DOCK1: variants seen among roughly 807,000 people sequenced by gnomAD.
The protein encoded by DOCK1 is dedicator of cytokinesis protein 1.
In DOCK1, 138 loss-of-function variants were observed where a neutral mutation model predicts 262.7. The ratio of observed to expected loss-of-function variants is 0.53; its 90% CI spans 0.46 to 0.61. The LOEUF is 0.61. Ranked by LOEUF, DOCK1 falls within the 20% of genes least tolerant of loss-of-function variation. The pLI, the probability that DOCK1 is intolerant of heterozygous loss-of-function variation, is 0.00. For missense variants in DOCK1, 1,908 were observed against 2,370.7 expected (o/e 0.80, Z 4.05); for synonymous variants, 866 against 867.4 (o/e 1.00, Z 0.03).
intron 27 of DOCK1, among the ~76,000 whole-genome samples, chr10:127,216,741 A>G (rs10829597): frequency 0.41 from 61,702 of 152,012 alleles, 12,804 homozygotes; most frequent in East Asian, 0.58. Context: ...TTAATTTTCA[A>G]AATCAGTGCC....
intron 33 of DOCK1, among the ~76,000 whole-genome samples, chr10:127,372,373 C>T (rs1489052582): frequency 6.6e-6 from 1 of 152,226 alleles, no homozygotes. Flanking sequence ...GTCACAGGCA[C>T]TCTGGATGAG....
intron 38 of DOCK1, among the ~76,000 whole-genome samples, chr10:127,400,421 C>A (rs767683169): frequency 1.6e-4 from 25 of 152,194 alleles, no homozygotes; most frequent in Non-Finnish European, 2.5e-4. Context: ...ACCTGCAGTT[C>A]AAGGCCAGCC....
Position 127,339,055 on chromosome 10 carries a change from T to A in DOCK1, c.3094T>A (p.Phe1032Ile). ...NQYADMLNKK[F>I]LDQANFELQL... ...GTATGCAGATATGCTGAACAAAAAA[T>A]TTCTGGATCAAGCCAACTTTGAGCT... The change falls in exon 30 of 52, where the codon TTT becomes ATT. Residue 1032 changes from phenylalanine to isoleucine, a missense_variant. Phe to Ile is a conservative substitution (Grantham distance 21). Coordinates refer to ENST00000623213, the MANE Select transcript of DOCK1 (RefSeq NM_001290223.2). 1 of 1,580,526 alleles carries A rather than the reference T, an allele frequency of 6.3e-7. No homozygotes were observed. Among genetic ancestry groups the A allele is most frequent in the Non-Finnish European group, 8.6e-7 (1 of 1,162,602 alleles).
chr10:127,260,920 CATGTGG>C (rs2060029730), intron 29 of DOCK1, among the ~76,000 whole-genome samples: 1 of 86,030 alleles, frequency 1.2e-5, no homozygotes, highest in Admixed American at 1.4e-4. Context: ...CACGTGTGTG[CATGTGG>C]GTGTGTGTGT....
At chr10:126,950,053 C>T (rs893033666) in intron 1 of DOCK1, among the ~76,000 whole-genome samples, 2 of 133,240 alleles carry the variant, frequency 1.5e-5, no homozygotes, top group African/African-American at 3.1e-5. Context: ...CTCTCTAAGC[C>T]TCATTTTTTT....
chr10:126,977,102 A>G (rs760947631), intron 2 of DOCK1, among the ~76,000 whole-genome samples: 45 of 152,330 alleles, frequency 3.0e-4, no homozygotes, highest in Non-Finnish European at 5.9e-4. Context: ...GTTTGGGAGT[A>G]AAAAATCATC....
At chr10:127,077,493 G>C (rs575743146) in intron 23 of DOCK1, among the ~76,000 whole-genome samples, 3 of 152,184 alleles carry the variant, frequency 2.0e-5, no homozygotes, top group Non-Finnish European at 2.9e-5. Flanking sequence ...GGGCCTCTTT[G>C]TGGATGTTAT....
intron 27 of DOCK1, among the ~76,000 whole-genome samples, chr10:127,184,470 T>G (rs2056037804): frequency 9.3e-5 from 14 of 150,742 alleles, no homozygotes; most frequent in Admixed American, 2.6e-4. Context: ...CAGCTCTCCA[T>G]TCCCCCATGC....
intron 27 of DOCK1, among the ~76,000 whole-genome samples, chr10:127,228,577 A>T (rs2058724954): frequency 6.6e-6 from 1 of 152,106 alleles, no homozygotes; most frequent in South Asian, 2.1e-4. Context: ...ATGATGTGAC[A>T]TGCCTGAGAC....
At chr10:127,063,742 C>T (rs548314948) in intron 23 of DOCK1, among the ~76,000 whole-genome samples, 1 of 152,112 alleles carries the variant, frequency 6.6e-6, no homozygotes, top group African/African-American at 2.4e-5. Context: ...TAAATATATC[C>T]TTACATTATT....
intron 1 of DOCK1, among the ~76,000 whole-genome samples, chr10:126,918,455 G>A (rs2032772442): frequency 6.6e-6 from 1 of 152,234 alleles, no homozygotes; most frequent in Non-Finnish European, 1.5e-5. Context: ...TGAATGACCT[G>A]GGTCATGTCA....
chr10:127,366,443 CT>C (rs1216551436), intron 33 of DOCK1, among the ~76,000 whole-genome samples: 17 of 152,124 alleles, frequency 1.1e-4, no homozygotes, highest in Admixed American at 1.1e-3. Context: ...GCTTGCTCCC[CT>C]GGCCTCCGTG....
chr10:126,911,912 TTG>T (rs1386929466), intron 1 of DOCK1, among the ~76,000 whole-genome samples: 1 of 152,140 alleles, frequency 6.6e-6, no homozygotes, highest in Non-Finnish European at 1.5e-5. Flanking sequence ...AGTGTGGAAT[TTG>T]TGTGTTAGTT....
chr10:127,045,999 TTTTA>T (rs1359053612), intron 21 of DOCK1, among the ~76,000 whole-genome samples: 2 of 152,240 alleles, frequency 1.3e-5, no homozygotes, highest in African/African-American at 4.8e-5. Flanking sequence ...TAGGTCCTTC[TTTTA>T]TTTATTTTCT....
At position 127,176,357 on chromosome 10, in the gene DOCK1, C is replaced by T. The variant is rs2489386; in HGVS notation, c.2847+48593C>T. 0.58 allele frequency: 928,737 copies of T among 1,612,680 alleles called. 272,381 individuals are homozygous for T. The highest frequency in any genetic ancestry group is 0.76 in the East Asian group (34,047 of 44,840). Reference sequence around the variant, plus strand: ...CGGCGGGTTCCACTTCACTCTCCGACGTTGTGAGTATGCATTTGCCGGTGT... The same window carrying T: ...CGGCGGGTTCCACTTCACTCTCCGATGTTGTGAGTATGCATTTGCCGGTGT... On this transcript the variant is annotated intron_variant, in intron 27 of 51. Coordinates refer to ENST00000623213, the MANE Select transcript of DOCK1 (RefSeq NM_001290223.2). This position sits in a 1 kb window ranked among gnomAD's most constrained non-coding sequence, Gnocchi z 4.4.
intron 27 of DOCK1, among the ~76,000 whole-genome samples, chr10:127,181,809 T>C (rs1018760042): frequency 6.6e-6 from 1 of 152,118 alleles, no homozygotes; most frequent in Non-Finnish European, 1.5e-5. Flanking sequence ...CATTGTGAAA[T>C]AGTTAACTTA....
At chr10:127,210,190 C>G (rs752401483) in intron 27 of DOCK1, among the ~76,000 whole-genome samples, 16 of 152,152 alleles carry the variant, frequency 1.1e-4, no homozygotes, top group Non-Finnish European at 1.3e-4. Flanking sequence ...GGTTATTGGC[C>G]CATTACCTAT....
chr10:127,064,146 T>C (rs1267646375), intron 23 of DOCK1, among the ~76,000 whole-genome samples: 1 of 152,228 alleles, frequency 6.6e-6, no homozygotes, highest in Non-Finnish European at 1.5e-5. Flanking sequence ...ATTTAAAGGT[T>C]AAACATTGTT....
intron 27 of DOCK1, among the ~76,000 whole-genome samples, chr10:127,179,606 C>A (rs751261869): frequency 6.6e-6 from 1 of 152,088 alleles, no homozygotes; most frequent in Non-Finnish European, 1.5e-5. Flanking sequence ...AAGGTGGACA[C>A]ATCTTTTCGG....
Sources: allele counts gnomAD v4.1 joint callset (sites outside exome capture counted in the v4.1 genomes callset), GRCh38; gene constraint gnomAD v4.1.1; non-coding constraint Gnocchi (gnomAD v3.1); transcripts MANE v1.5; gene names NCBI Gene and HGNC (gene_info 2026-07-23, HGNC 2026-07-21).